FSHR: variants seen among roughly 807,000 people sequenced by gnomAD.
FSHR encodes the protein follicle-stimulating hormone receptor.
A neutral mutation model predicts 52.1 loss-of-function variants in FSHR; 46 were observed. The ratio of observed to expected loss-of-function variants is 0.88; its 90% confidence interval spans 0.70 to 1.13. The LOEUF is 1.13. Among genes scored for constraint, FSHR ranks in the 50% most tolerant of loss-of-function variants. FSHR has a pLI of 0.00. For missense variants in FSHR, 964 were observed against 834.6 expected (o/e 1.16, Z -1.91); for synonymous variants, 399 against 309.6 (o/e 1.29, Z -3.03).
At chr2:49,013,063 A>G (rs1667331615) in intron 4 of FSHR, among the ~76,000 whole-genome samples, 1 of 151,638 alleles carries the variant, frequency 6.6e-6, no homozygotes, top group African/African-American at 2.4e-5. Context: ...TGCTCACTCA[A>G]GTCTCTCTTT....
chr2:49,140,454 G>A (rs1206334752), intron 1 of FSHR, among the ~76,000 whole-genome samples: 3 of 152,130 alleles, frequency 2.0e-5, no homozygotes, highest in African/African-American at 7.2e-5. Context: ...TGCACAGCCT[G>A]CTGAACTATG....
intron 4 of FSHR, 87 bp from the exon 5 acceptor site, chr2:48,990,724 T>C: frequency 2.3e-6 from 2 of 858,388 alleles, no homozygotes; most frequent in South Asian, 1.3e-5. Flanking sequence ...AATAAAAATA[T>C]CAATTTTGAA....
chr2:49,064,432 C>T (rs538984596), intron 2 of FSHR, among the ~76,000 whole-genome samples: 3 of 152,172 alleles, frequency 2.0e-5, no homozygotes, highest in East Asian at 1.9e-4. Context: ...TCTTCTGCCA[C>T]GTAGGGACAT....
intron 1 of FSHR, among the ~76,000 whole-genome samples, chr2:49,098,818 A>G (rs1471465198): frequency 2.0e-5 from 3 of 146,556 alleles, no homozygotes; most frequent in South Asian, 2.1e-4. Flanking sequence ...GTATACTTAT[A>G]TATTATTATA....
chr2:49,086,748 C>T (rs184157172), intron 1 of FSHR, among the ~76,000 whole-genome samples: 19 of 152,314 alleles, frequency 1.2e-4, no homozygotes, highest in Admixed American at 1.1e-3. Flanking sequence ...TCAAGTGATT[C>T]TCCCACCTCA....
intron 1 of FSHR, among the ~76,000 whole-genome samples, chr2:49,130,890 T>G (rs1354856662): frequency 6.6e-6 from 1 of 152,186 alleles, no homozygotes; most frequent in African/African-American, 2.4e-5. Context: ...AGAAGGGGGC[T>G]GTTATAGAGT....
chr2:48,980,602 T>C (rs1216193122), intron 8 of FSHR, among the ~76,000 whole-genome samples: 2 of 152,198 alleles, frequency 1.3e-5, no homozygotes, highest in Non-Finnish European at 2.9e-5. Flanking sequence ...GGGAGGCTGG[T>C]GTTAATAGTT....
At chr2:48,982,245 C>A (rs1363099183) in intron 8 of FSHR, among the ~76,000 whole-genome samples, 1 of 151,752 alleles carries the variant, frequency 6.6e-6, no homozygotes, top group Admixed American at 6.6e-5. Context: ...ATGGAAGGGG[C>A]AGTGTAGGTA....
chr2:49,086,915 T>A (rs4530401), intron 1 of FSHR, among the ~76,000 whole-genome samples: 25,834 of 152,004 alleles, frequency 0.17, 2,771 homozygotes, highest in East Asian at 0.28. Flanking sequence ...ATTACAGGTG[T>A]GAGGCAGCGT....
At chr2:49,061,583 T>C (rs1208267039) in intron 2 of FSHR, among the ~76,000 whole-genome samples, 1 of 139,844 alleles carries the variant, frequency 7.2e-6, no homozygotes, top group African/African-American at 2.7e-5. Context: ...TTTAGATATA[T>C]ATCTATATAT....
At chr2:48,981,802 C>T (rs1297810376) in intron 8 of FSHR, among the ~76,000 whole-genome samples, 3 of 152,184 alleles carry the variant, frequency 2.0e-5, no homozygotes, top group Non-Finnish European at 4.4e-5. Flanking sequence ...AAAAGTGATG[C>T]AGATAGATGG....
chr2:49,053,165 A>T (rs1161713517), intron 2 of FSHR, among the ~76,000 whole-genome samples: 1 of 152,170 alleles, frequency 6.6e-6, no homozygotes, highest in African/African-American at 2.4e-5. Context: ...AATGAATTTT[A>T]TGTGGTTCAT....
chr2:49,020,902 C>T (rs746627835), intron 2 of FSHR, among the ~76,000 whole-genome samples: 1 of 152,038 alleles, frequency 6.6e-6, no homozygotes, highest in Non-Finnish European at 1.5e-5. Flanking sequence ...AACACATGAA[C>T]ACAGGGAGGG....
Position 49,154,314 on chromosome 2 carries a change from C to G in FSHR, c.104G>C (p.Ser35Thr). 6.2e-7 allele frequency: 1 copy of G among 1,613,914 alleles called. No homozygotes were observed. Among genetic ancestry groups the G allele is most frequent in the Non-Finnish European group, 8.5e-7 (1 of 1,179,886 alleles). ...GTCAGAAGGAATCTCTGTCACCTTG[C>G]TCTCTTGGCAGAGAAAAACCCTGTT... ...CSNRVFLCQE[S>T]KVTEIPSDLP... Residue 35 changes from serine (S) to threonine (T), a missense_variant, in exon 1 of 10, where the codon AGC becomes ACC. Coordinates refer to ENST00000406846, the MANE Select transcript of FSHR (RefSeq NM_000145.4).
chr2:49,107,411 C>G (rs1338019315), intron 1 of FSHR, among the ~76,000 whole-genome samples: 1 of 152,150 alleles, frequency 6.6e-6, no homozygotes, highest in Non-Finnish European at 1.5e-5. Flanking sequence ...TATCTTACTA[C>G]TGTGACTCTA....
intron 2 of FSHR, among the ~76,000 whole-genome samples, chr2:49,058,012 G>C (rs1275318426): frequency 6.6e-6 from 1 of 152,096 alleles, no homozygotes; most frequent in Admixed American, 6.5e-5. Flanking sequence ...TAGAAGGAAA[G>C]TACCGCAACT....
chr2:49,094,110 T>G (rs1356014062), intron 1 of FSHR, among the ~76,000 whole-genome samples: 2 of 152,166 alleles, frequency 1.3e-5, no homozygotes, highest in African/African-American at 4.8e-5. Context: ...TTAAATATAT[T>G]TCTCTCAAAT....
At chr2:49,088,225 G>T (rs375980831) in intron 1 of FSHR, among the ~76,000 whole-genome samples, 5 of 152,148 alleles carry the variant, frequency 3.3e-5, no homozygotes, top group African/African-American at 1.2e-4. Context: ...CCCAGGGCTG[G>T]TAAAGTTTTA....
intron 1 of FSHR, among the ~76,000 whole-genome samples, chr2:49,079,481 A>G (rs1670084724): frequency 6.6e-6 from 1 of 152,166 alleles, no homozygotes; most frequent in Non-Finnish European, 1.5e-5. Context: ...GGATTGGCAT[A>G]CCAGGAAATA....
Sources: gnomAD v4.1 joint callset for allele counts (sites outside exome capture counted in the v4.1 genomes callset) on GRCh38, gnomAD v4.1.1 for gene constraint, MANE v1.5 for transcripts, NCBI Gene and HGNC (gene_info 2026-07-23, HGNC 2026-07-21) for gene names.